SHISA6: variants seen among roughly 807,000 people sequenced by gnomAD.
SHISA6 encodes protein shisa-6.
Under a neutral mutation model 47.9 loss-of-function variants are expected in SHISA6, and 22 were observed. The observed-to-expected ratio is 0.46, with a 90% CI of 0.33 to 0.66. The LOEUF is 0.66. Among genes scored for constraint, SHISA6 ranks in the 30% least tolerant of loss-of-function variants. The pLI, the probability that SHISA6 is intolerant of heterozygous loss-of-function variation, is 0.02. For synonymous variants in SHISA6, 388 were observed against 337.8 expected (o/e 1.15, Z -1.63); for missense variants, 680 against 764.6 (o/e 0.89, Z 1.30).
chr17:11,278,921 C>T (rs534119582), intron 2 of SHISA6, among the ~76,000 whole-genome samples: 2 of 152,286 alleles, frequency 1.3e-5, no homozygotes, highest in Admixed American at 1.3e-4. Context: ...GTGGCCGAGG[C>T]AGGCAGAGAC....
intron 2 of SHISA6, among the ~76,000 whole-genome samples, chr17:11,269,855 G>A (rs565035046): frequency 3.3e-5 from 5 of 152,266 alleles, no homozygotes; most frequent in South Asian, 2.1e-4. Flanking sequence ...CAATCGAAGC[G>A]CATCTGACAC....
intron 2 of SHISA6, among the ~76,000 whole-genome samples, chr17:11,335,388 G>A (rs113594859): frequency 3.9e-5 from 6 of 152,290 alleles, no homozygotes; most frequent in African/African-American, 1.2e-4. Flanking sequence ...AGGCTTACAC[G>A]TGAGGACATG....
intron 2 of SHISA6, among the ~76,000 whole-genome samples, chr17:11,321,795 A>C (rs1241476282): frequency 2.0e-5 from 3 of 152,186 alleles, no homozygotes; most frequent in Admixed American, 1.3e-4. Flanking sequence ...CACAGGCTGC[A>C]TGAAGCCCAG....
intron 3 of SHISA6, among the ~76,000 whole-genome samples, chr17:11,514,349 G>T (rs2071565187): frequency 6.6e-6 from 1 of 152,124 alleles, no homozygotes; most frequent in East Asian, 1.9e-4. Context: ...TGCTGGTATT[G>T]GGCATAAGGC....
At chr17:11,373,487 C>A (rs906939153) in intron 2 of SHISA6, among the ~76,000 whole-genome samples, 7 of 152,124 alleles carry the variant, frequency 4.6e-5, no homozygotes, top group Admixed American at 2.0e-4. Context: ...TATACTTTTT[C>A]TCAATTACAT....
At chr17:11,342,173 C>G (rs1295895578) in intron 2 of SHISA6, among the ~76,000 whole-genome samples, 1 of 152,106 alleles carries the variant, frequency 6.6e-6, no homozygotes, top group Non-Finnish European at 1.5e-5. Context: ...CCCAGAGGAC[C>G]CAGAGAGGTG....
At chr17:11,382,515 C>T (rs1218254466) in intron 3 of SHISA6, among the ~76,000 whole-genome samples, 4 of 152,170 alleles carry the variant, frequency 2.6e-5, no homozygotes, top group African/African-American at 9.7e-5. Context: ...GCAACTGGCC[C>T]CATGTAAATA....
intron 3 of SHISA6, among the ~76,000 whole-genome samples, chr17:11,524,472 A>G (rs1383460661): frequency 6.6e-6 from 1 of 150,576 alleles, no homozygotes; most frequent in Non-Finnish European, 1.5e-5. Context: ...TTTTTCCATA[A>G]TTTCTTTTCT....
At chr17:11,382,805 A>C (rs1235286732) in intron 3 of SHISA6, among the ~76,000 whole-genome samples, 5 of 151,988 alleles carry the variant, frequency 3.3e-5, no homozygotes, top group Non-Finnish European at 5.9e-5. Context: ...AACCCAGATC[A>C]CTTAATTTAA....
chr17:11,530,963 G>A (rs756026532), intron 3 of SHISA6, among the ~76,000 whole-genome samples: 4 of 152,232 alleles, frequency 2.6e-5, no homozygotes, highest in Non-Finnish European at 5.9e-5. Context: ...ATCAGCTGAT[G>A]TTTGGTAGGT....
intron 3 of SHISA6, among the ~76,000 whole-genome samples, chr17:11,384,824 T>C (rs1330868313): frequency 6.7e-6 from 1 of 150,260 alleles, no homozygotes; most frequent in Admixed American, 6.6e-5. Context: ...GGGTGGGAGT[T>C]AGAGAGAGAG....
intron 3 of SHISA6, among the ~76,000 whole-genome samples, chr17:11,551,145 T>C (rs1040655625): frequency 1.8e-4 from 28 of 152,342 alleles, no homozygotes; most frequent in African/African-American, 6.7e-4. Flanking sequence ...GAAGCAATCA[T>C]AGAATGCCAG....
intron 3 of SHISA6, among the ~76,000 whole-genome samples, chr17:11,540,035 T>C (rs930118284): frequency 1.2e-4 from 18 of 152,198 alleles, no homozygotes; most frequent in South Asian, 4.1e-4. Context: ...CGTCATGAAT[T>C]CTGCTGGCCT....
intron 3 of SHISA6, among the ~76,000 whole-genome samples, chr17:11,382,876 A>G (rs1361264714): frequency 6.7e-6 from 1 of 150,298 alleles, no homozygotes; most frequent in Admixed American, 6.6e-5. Flanking sequence ...CCTTGTTCTA[A>G]GTGAAGATGG....
intron 3 of SHISA6, among the ~76,000 whole-genome samples, chr17:11,396,213 T>C (rs1242352460): frequency 6.6e-6 from 1 of 152,228 alleles, no homozygotes; most frequent in Non-Finnish European, 1.5e-5. Context: ...ATTGACCTAA[T>C]CTTGCAGTCT....
intron 2 of SHISA6, among the ~76,000 whole-genome samples, chr17:11,285,939 C>G (rs574015192): frequency 6.6e-6 from 1 of 151,470 alleles, no homozygotes; most frequent in Non-Finnish European, 1.5e-5. Context: ...TGGGTTCAAG[C>G]GATTTTCCTG....
intron 2 of SHISA6, among the ~76,000 whole-genome samples, chr17:11,275,910 G>A (rs756943569): frequency 9.9e-5 from 15 of 152,076 alleles, no homozygotes; most frequent in Non-Finnish European, 1.3e-4. Context: ...AGCGAGTAGA[G>A]ATATGATCTG....
At chr17:11,540,436 T>C (rs1017966496) in intron 3 of SHISA6, among the ~76,000 whole-genome samples, 9 of 152,200 alleles carry the variant, frequency 5.9e-5, no homozygotes, top group Non-Finnish European at 2.9e-5. Context: ...GAGGACCCTG[T>C]GTACACAGTT....
At chr17:11,268,046 C>G (rs1456635463) in intron 2 of SHISA6, among the ~76,000 whole-genome samples, 1 of 152,134 alleles carries the variant, frequency 6.6e-6, no homozygotes, top group Non-Finnish European at 1.5e-5. Flanking sequence ...AAGAGCCTGT[C>G]CTGGGGCCTC....
Sources: gnomAD v4.1 joint callset for allele counts (sites outside exome capture counted in the v4.1 genomes callset) on GRCh38, gnomAD v4.1.1 for gene constraint, MANE v1.5 for transcripts, NCBI Gene and HGNC (gene_info 2026-07-23, HGNC 2026-07-21) for gene names.